The following BCL2L13 variants were observed in gnomAD, a reference collection of about 807,000 sequenced individuals.
The protein encoded by BCL2L13 is BCL2 like 13.
BCL2L13 carries 13 observed loss-of-function variants against 25.8 expected under a neutral mutation model. The ratio of observed to expected loss-of-function variants is 0.50; its 90% CI spans 0.33 to 0.80. BCL2L13 has a LOEUF of 0.80. BCL2L13 is among the 30% of genes least tolerant of loss of function. The pLI is 0.02. For missense variants in BCL2L13, 504 were observed against 574.9 expected (o/e 0.88, Z 1.26); for synonymous variants, 244 against 230.3 (o/e 1.06, Z -0.54).
Position 17,649,993 on chromosome 22 carries a change from C to T in BCL2L13, c.-50-5669C>T, listed in dbSNP as rs182109348. On this transcript the variant is annotated intron_variant, in intron 1 of 6. Coordinates refer to ENST00000317582, the MANE Select transcript of BCL2L13 (RefSeq NM_015367.4). ...CTGAGCGATTCTCCTGCCTCAGCCT[C>T]CTGAGTAGCTGGGATTACAGGCGCC... Among the ~76,000 whole-genome samples the T allele has an allele frequency of 8.6e-5, 13 of 151,400 alleles. No homozygotes were observed. In the East Asian group the frequency reaches 1.4e-3, roughly 16 times the overall value.
rs183486710 is a variant in BCL2L13, at chr22:17,671,435, C to T, written c.122-11779C>T. Among the ~76,000 whole-genome samples, 1,438 of 145,370 alleles carry T rather than the reference C, an allele frequency of 9.9e-3. 11 individuals carry two copies. The highest frequency in any genetic ancestry group is 0.026 in the Middle Eastern group (7 of 272). On this transcript the variant is annotated intron_variant, in intron 2 of 6. Transcript: ENST00000317582. ...AAAAAAAATTAGCCAGGAGTTGTGG[C>T]GGGCGCCTGTAGTCCCAGCTACTCA...
At chr22:17,645,770 A>G (rs1280213313) in intron 1 of BCL2L13, among the ~76,000 whole-genome samples, 1 of 151,556 alleles carries the variant, frequency 6.6e-6, no homozygotes, top group Admixed American at 6.6e-5. Flanking sequence ...ACATAAACAC[A>G]GCATGAAGTT....
intron 6 of BCL2L13, among the ~76,000 whole-genome samples, chr22:17,717,577 A>G (rs936674441): frequency 6.6e-6 from 1 of 152,142 alleles, no homozygotes; most frequent in African/African-American, 2.4e-5. Context: ...GGTGTGAGAC[A>G]ACAATGCCCG....
At chr22:17,686,587 T>G (rs2059947124) in intron 3 of BCL2L13, among the ~76,000 whole-genome samples, 1 of 150,852 alleles carries the variant, frequency 6.6e-6, no homozygotes, top group African/African-American at 2.4e-5. Flanking sequence ...CTCAGTTCAC[T>G]GCAACCTCCG....
In BCL2L13 at chr22:17,689,117, A is replaced by G. The variant is rs1432289570; in HGVS notation, c.361A>G (p.Lys121Glu). 1 of 1,614,068 alleles carries G rather than the reference A, an allele frequency of 6.2e-7. No individual in the cohort carries two copies. Reference protein sequence around the residue: ...VSQELKEPLHKALQMLLSQPV... With the variant: ...VSQELKEPLHEALQMLLSQPV... The stretch of plus-strand genomic sequence containing the variant: ...CCAGGAACTGAAAGAGCCTCTCCAT[A>G]AAGCATTGCAAATGCTCCTGAGCCA... The change falls in exon 4 of 7, where the codon AAA becomes GAA. Residue 121 changes from lysine (K) to glutamate (E), a missense_variant. Transcript: ENST00000317582.
In BCL2L13 at chr22:17,710,897, A is replaced by T. The variant is rs113305232; in HGVS notation, c.600+8511A>T. 8.7e-3 allele frequency among the ~76,000 whole-genome samples: 1,320 copies of T among 152,220 alleles called. 14 individuals carry two copies. The highest frequency in any genetic ancestry group is 0.026 in the African/African-American group (1,092 of 41,588). On this transcript the variant is annotated intron_variant, in intron 6 of 6. Coordinates refer to ENST00000317582, the MANE Select transcript of BCL2L13 (RefSeq NM_015367.4). ...GTCTCAAAAAAAATAAAAATAAAAA[A>T]AAATAAATAAATAAATCTGAATTGG...
chr22:17,632,245 T>A (rs969803124), intron 1 of BCL2L13, among the ~76,000 whole-genome samples: 1 of 152,146 alleles, frequency 6.6e-6, no homozygotes, highest in African/African-American at 2.4e-5. Flanking sequence ...CCATTTGTAC[T>A]AGTGCACAGT....
At chr22:17,640,759 AGGGAGGACT>A in intron 1 of BCL2L13, among the ~76,000 whole-genome samples, 1 of 151,356 alleles carries the variant, frequency 6.6e-6, no homozygotes, top group East Asian at 1.9e-4. Context: ...CTGAGGCGAG[AGGGAGGACT>A]GCTTGAGCCC....
At chr22:17,635,033 G>A (rs1210079968), upstream of BCL2L13, among the ~76,000 whole-genome samples, 3 of 151,304 alleles carry the variant, frequency 2.0e-5, no homozygotes, top group Non-Finnish European at 4.4e-5. Flanking sequence ...GTTTAGAGTC[G>A]ATAACCACAT....
intron 5 of BCL2L13, among the ~76,000 whole-genome samples, chr22:17,698,686 G>A (rs986522749): frequency 3.3e-5 from 5 of 151,642 alleles, no homozygotes; most frequent in Non-Finnish European, 5.9e-5. Flanking sequence ...CCGAGATCAT[G>A]CCACTGTATT....
At chr22:17,659,735 C>T (rs1490112401) in intron 2 of BCL2L13, among the ~76,000 whole-genome samples, 1 of 144,962 alleles carries the variant, frequency 6.9e-6, no homozygotes, top group Non-Finnish European at 1.6e-5. Context: ...AGTGGATTTC[C>T]AGTCTAGTTC....
intron 1 of BCL2L13, among the ~76,000 whole-genome samples, chr22:17,629,818 T>TACGCACAC (rs2057968136): frequency 6.8e-6 from 1 of 148,074 alleles, no homozygotes; most frequent in Non-Finnish European, 1.5e-5. Context: ...TTTATTTTCA[T>TACGCACAC]ACACACACAC....
intron 1 of BCL2L13, among the ~76,000 whole-genome samples, chr22:17,644,489 G>A (rs1361739586): frequency 6.6e-6 from 1 of 150,594 alleles, no homozygotes; most frequent in Non-Finnish European, 1.5e-5. Flanking sequence ...GTGCCACCAC[G>A]CCCAGCTAAT....
upstream of BCL2L13, chr22:17,638,681 G>T: frequency 8.9e-6 from 11 of 1,231,714 alleles, no homozygotes; most frequent in Non-Finnish European, 1.1e-5. Flanking sequence ...TTCCGCTCCG[G>T]ATACCGTTCC....
intron 6 of BCL2L13, among the ~76,000 whole-genome samples, chr22:17,720,359 A>G (rs2061084486): frequency 6.6e-6 from 1 of 151,392 alleles, no homozygotes; most frequent in Non-Finnish European, 1.5e-5. Flanking sequence ...TAAATTTTTT[A>G]ATTTTTCTTT....
chr22:17,638,932 G>A, intron 1 of BCL2L13, 46 bp downstream of exon 1: 1 of 1,222,460 alleles, frequency 8.2e-7, no homozygotes, highest in Non-Finnish European at 1.0e-6. Context: ...GTGAGGAGGT[G>A]GTTTTCACCT....
chr22:17,642,051 G>A (rs1348876000), intron 1 of BCL2L13, among the ~76,000 whole-genome samples: 5 of 151,314 alleles, frequency 3.3e-5, no homozygotes, highest in Non-Finnish European at 5.9e-5. Context: ...TGCCCATGTC[G>A]GCCTCCCAAA....
rs1166792513 is a variant in BCL2L13 at position 17,685,760 on chromosome 22, C to CTTTTTTTTTTTTTTTT, written c.229+2453_229+2468dup. The stretch of plus-strand genomic sequence containing the variant: ...TATTGCCCAATAATTTTTTCTTTTT[C>CTTTTTTTTTTTTTTTT]TTTTTTTTTTTTTTTTTTTTTTTTT... On this transcript the variant is annotated intron_variant, in intron 3 of 6. Transcript: ENST00000317582. 1.2e-3 allele frequency among the ~76,000 whole-genome samples: 70 copies of CTTTTTTTTTTTTTTTT among 60,568 alleles called. 25 individuals carry two copies. Among genetic ancestry groups the CTTTTTTTTTTTTTTTT allele is most frequent in the African/African-American group, 2.1e-3 (33 of 15,836 alleles). 39.7% of individuals were successfully genotyped at this position (60,568 alleles called of 152,430 possible). A position where few individuals can be genotyped will look rare whatever the true frequency, so the allele number is the denominator to read the frequency against.
At chr22:17,705,074 C>T (rs2060550861) in intron 6 of BCL2L13, among the ~76,000 whole-genome samples, 1 of 149,120 alleles carries the variant, frequency 6.7e-6, no homozygotes, top group South Asian at 2.2e-4. Context: ...ATTTGATAGA[C>T]TTGATTGTGA....
Sources: gnomAD v4.1 joint callset for allele counts (sites outside exome capture counted in the v4.1 genomes callset) on GRCh38, gnomAD v4.1.1 for gene constraint, MANE v1.5 for transcripts, NCBI Gene and HGNC (gene_info 2026-07-23, HGNC 2026-07-21) for gene names.